The following RIMS1 variants were observed in gnomAD, a reference collection of about 807,000 sequenced individuals.
RIMS1 encodes regulating synaptic membrane exocytosis 1, also known as regulating synaptic membrane exocytosis protein 1.
A neutral mutation model predicts 214.1 loss-of-function variants in RIMS1; 83 were observed. The observed-to-expected ratio is 0.39, with a 90% CI of 0.32 to 0.47. The LOEUF is 0.47. Ranked by LOEUF, RIMS1 falls within the 20% of genes least tolerant of loss-of-function variation. The probability of loss-of-function intolerance (pLI) is 0.99; values close to 1 mark genes in which losing one functional copy is unlikely to be tolerated. For synonymous variants in RIMS1, 793 were observed against 786.8 expected (o/e 1.01, Z -0.13); for missense variants, 2,050 against 2,161.8 (o/e 0.95, Z 1.03).
chr6:71,989,151 G>C (rs1800851206), intron 2 of RIMS1, among the ~76,000 whole-genome samples: 1 of 152,154 alleles, frequency 6.6e-6, no homozygotes, highest in Admixed American at 6.5e-5. Context: ...GAGAGGAGGA[G>C]ATCATTCTAC....
intron 26 of RIMS1, among the ~76,000 whole-genome samples, chr6:72,294,482 A>G (rs569675182): frequency 2.6e-5 from 4 of 151,888 alleles, no homozygotes; most frequent in African/African-American, 7.2e-5. Context: ...TAAGCAGCTG[A>G]TTGGTAAGAA....
intron 9 of RIMS1, among the ~76,000 whole-genome samples, 195 bp downstream of exon 9, chr6:72,238,117 A>T (rs2065057388): frequency 1.3e-5 from 2 of 152,056 alleles, no homozygotes; most frequent in South Asian, 4.1e-4. Context: ...AATTGCAATA[A>T]TAAGTAACTC....
chr6:72,121,904 A>T (rs1363116236), intron 4 of RIMS1, among the ~76,000 whole-genome samples: 1 of 151,868 alleles, frequency 6.6e-6, no homozygotes, highest in East Asian at 1.9e-4. Context: ...GCACCTATTG[A>T]GATAATCATG....
intron 1 of RIMS1, among the ~76,000 whole-genome samples, chr6:71,925,123 G>A (rs928770746): frequency 5.3e-5 from 8 of 152,102 alleles, no homozygotes; most frequent in Non-Finnish European, 1.0e-4. Context: ...GGTTAATGAG[G>A]AATAATTTGG....
At chr6:72,337,345 A>G (rs1165312117) in intron 29 of RIMS1, among the ~76,000 whole-genome samples, 1 of 151,804 alleles carries the variant, frequency 6.6e-6, no homozygotes, top group African/African-American at 2.4e-5. Context: ...ATTATTGGGA[A>G]GGTTCTACAA....
intron 4 of RIMS1, among the ~76,000 whole-genome samples, chr6:72,166,220 A>C (rs913253543): frequency 2.6e-5 from 4 of 151,868 alleles, no homozygotes; most frequent in African/African-American, 7.3e-5. Flanking sequence ...ACACACACAC[A>C]TGCACACATA....
At chr6:72,251,140 T>C (rs2073108189) in intron 14 of RIMS1, 48 bp downstream of exon 14, 1 of 1,552,880 alleles carries the variant, frequency 6.4e-7, no homozygotes, top group Non-Finnish European at 8.7e-7. Context: ...TAAAGTTTTG[T>C]GATATTTATT....
intron 30 of RIMS1, 170 bp downstream of exon 30, chr6:72,390,906 C>T: frequency 1.7e-6 from 1 of 575,606 alleles, no homozygotes; most frequent in Admixed American, 3.4e-5. Context: ...ATGGACACAC[C>T]TCTACACCTG....
intron 29 of RIMS1, among the ~76,000 whole-genome samples, chr6:72,379,329 G>A (rs1034177090): frequency 2.0e-5 from 3 of 152,232 alleles, no homozygotes; most frequent in Non-Finnish European, 2.9e-5. Flanking sequence ...CAAAGTAGCT[G>A]CTCTAGCTCC....
chr6:72,148,713 GTTTT>G (rs59114237), intron 4 of RIMS1: 36 of 386,394 alleles, frequency 9.3e-5, no homozygotes, highest in Middle Eastern at 3.7e-4. Context: ...GGAGACTTGG[GTTTT>G]TTTTTTTTTT....
chr6:72,055,706 A>G (rs1301023965), intron 2 of RIMS1, among the ~76,000 whole-genome samples: 1 of 152,204 alleles, frequency 6.6e-6, no homozygotes, highest in Non-Finnish European at 1.5e-5. Flanking sequence ...AATCAAAATC[A>G]TAATGAGATA....
In RIMS1 at chr6:72,252,708, G is replaced by T. The variant is rs369667987; in HGVS notation, c.2699-53G>T. The T allele has an allele frequency of 7.4e-5, 110 of 1,480,610 alleles. 1 individual carries two copies. In the African/African-American group the frequency reaches 1.3e-3, roughly 17 times the overall value. The allele number at this position is 1,480,610 out of a possible 1,614,324, so 91.7% of individuals were successfully genotyped here. A position where few individuals can be genotyped will look rare whatever the true frequency, so the allele number is the denominator to read the frequency against. On this transcript the variant is annotated intron_variant, in intron 15 of 33. Coordinates refer to ENST00000521978, the MANE Select transcript of RIMS1 (RefSeq NM_014989.7). ...AAAAAAGTTTGACAGTGCTCTTTACGTTTCATAAACCAACCAGACACAGAA... is the reference window on the plus strand; with the variant it reads ...AAAAAAGTTTGACAGTGCTCTTTACTTTTCATAAACCAACCAGACACAGAA...
chr6:71,975,626 A>G (rs890361679), intron 2 of RIMS1, among the ~76,000 whole-genome samples: 5 of 152,140 alleles, frequency 3.3e-5, no homozygotes, highest in African/African-American at 1.2e-4. Flanking sequence ...AAAGAGTACA[A>G]TTTAGTGGTT....
intron 1 of RIMS1, among the ~76,000 whole-genome samples, chr6:71,939,893 C>T (rs1785532170): frequency 6.6e-6 from 1 of 152,068 alleles, no homozygotes; most frequent in African/African-American, 2.4e-5. Flanking sequence ...TTGAAATAAC[C>T]AAATAGTGGT....
Position 72,007,174 on chromosome 6 carries a change from G to A in RIMS1, c.245+38111G>A, listed in dbSNP as rs139674273. ...CAACATTTACTGTTCACTGATATTCGCTGTTCTGCAGCCTCCGCTGCTGAT... is the reference window on the plus strand; with the variant it reads ...CAACATTTACTGTTCACTGATATTCACTGTTCTGCAGCCTCCGCTGCTGAT... On this transcript the variant is annotated intron_variant, in intron 2 of 33. Coordinates refer to ENST00000521978, the MANE Select transcript of RIMS1 (RefSeq NM_014989.7). Among the ~76,000 whole-genome samples the A allele has an allele frequency of 5.7e-3, 866 of 152,262 alleles. 5 individuals carry two copies. The highest frequency in any genetic ancestry group is 0.032 in the East Asian group (165 of 5,170).
At chr6:72,108,616 C>T (rs2035287646) in intron 4 of RIMS1, among the ~76,000 whole-genome samples, 1 of 152,008 alleles carries the variant, frequency 6.6e-6, no homozygotes, top group Non-Finnish European at 1.5e-5. Context: ...ACATGTATCT[C>T]ATTTTTCCCA....
At chr6:72,350,191 G>GA (rs1418182156) in intron 29 of RIMS1, among the ~76,000 whole-genome samples, 1 of 151,950 alleles carries the variant, frequency 6.6e-6, no homozygotes. Flanking sequence ...TTTGTACACA[G>GA]AAAAAAGGAA....
chr6:72,196,803 A>G (rs2051064907), intron 6 of RIMS1, among the ~76,000 whole-genome samples: 1 of 150,126 alleles, frequency 6.7e-6, no homozygotes, highest in Non-Finnish European at 1.5e-5. Flanking sequence ...CTTGTCAGGT[A>G]GGCATGAGGG....
rs1232986421 is a variant in RIMS1 at position 72,265,901 on chromosome 6, C to A, written c.3309-59C>A. ...ATGCTTTACTCTCTAACATGGTCTT[C>A]CTTTCTTTGTTTTCTCTGTCTTTCT... On this transcript the variant is annotated intron_variant, in intron 21 of 33. Transcript: ENST00000521978. 7 of 1,222,982 alleles carry A rather than the reference C, an allele frequency of 5.7e-6. No individual in the cohort carries two copies. The Admixed American group carries it at 1.1e-4, about 19-fold the overall frequency. The allele number at this position is 1,222,982 out of a possible 1,614,324, so 75.8% of individuals were successfully genotyped here.
Sources: gnomAD v4.1 joint callset for allele counts (sites outside exome capture counted in the v4.1 genomes callset) on GRCh38, gnomAD v4.1.1 for gene constraint, MANE v1.5 for transcripts, NCBI Gene and HGNC (gene_info 2026-07-23, HGNC 2026-07-21) for gene names.